Variants in LRIF1 observed in about 807,000 individuals in gnomAD.
LRIF1 encodes the protein ligand-dependent nuclear receptor-interacting factor 1.
A neutral mutation model predicts 52.7 loss-of-function variants in LRIF1; 32 were observed. That is an observed-to-expected ratio of 0.61 (90% confidence interval 0.46 to 0.82). The LOEUF (loss-of-function observed/expected upper bound fraction) is 0.82. LRIF1 is among the 40% of genes least tolerant of loss of function. LRIF1 has a pLI of 0.00. For missense variants in LRIF1, 887 were observed against 892.0 expected (o/e 0.99, Z 0.07); for synonymous variants, 323 against 317.4 (o/e 1.02, Z -0.19).
At position 110,947,824 on chromosome 1, in the gene LRIF1, A is replaced by T; in HGVS notation, c.*135T>A. The T allele has an allele frequency of 2.4e-6, 3 of 1,229,706 alleles. No individual in the cohort carries two copies. Among genetic ancestry groups the T allele is most frequent in the Non-Finnish European group, 3.3e-6 (3 of 915,554 alleles). 76.2% of individuals were successfully genotyped at this position (1,229,706 alleles called of 1,614,324 possible). A position where few individuals can be genotyped will look rare whatever the true frequency, so the allele number is the denominator to read the frequency against. Reference sequence around the variant, plus strand: ...TGAATCAACCTTTTCTGTATTCCTTAAAGTTGTACAATCGACTGATGAAAA... The same window carrying T: ...TGAATCAACCTTTTCTGTATTCCTTTAAGTTGTACAATCGACTGATGAAAA... On this transcript the variant is annotated 3_prime_UTR_variant, in exon 4 of 4. Coordinates refer to ENST00000369763, the MANE Select transcript of LRIF1 (RefSeq NM_018372.4).
chr1:110,901,593 A>AG, the LRIF1 span, among the ~76,000 whole-genome samples: 1 of 148,918 alleles, frequency 6.7e-6, no homozygotes, highest in East Asian at 2.0e-4. Context: ...CTCCTGCCTC[A>AG]GCCTCCTGAG....
the LRIF1 span, among the ~76,000 whole-genome samples, chr1:110,930,463 C>A: frequency 6.6e-6 from 1 of 152,160 alleles, no homozygotes; most frequent in African/African-American, 2.4e-5. Context: ...TGCCTACCTT[C>A]TCACTGTTTC....
rs548225966 is a variant in LRIF1, at chr1:110,960,660, T to C, written c.68+2961A>G. Reference sequence around the variant, plus strand: ...ATATCTGACTGCTTTCTTGATGTGTTCCTCATCTCAGTTAATTTACCAATA... The same window carrying C: ...ATATCTGACTGCTTTCTTGATGTGTCCCTCATCTCAGTTAATTTACCAATA... On this transcript the variant is annotated intron_variant, in intron 1 of 3. Coordinates refer to ENST00000369763, the MANE Select transcript of LRIF1 (RefSeq NM_018372.4). Among the ~76,000 whole-genome samples the C allele has an allele frequency of 5.9e-5, 9 of 152,310 alleles. No individual in the cohort carries two copies. The South Asian group carries it at 1.5e-3, about 25-fold the overall frequency.
intron 1 of LRIF1, 146 bp downstream of exon 1, chr1:110,963,475 C>T: frequency 1.7e-6 from 1 of 581,012 alleles, no homozygotes; most frequent in South Asian, 2.7e-5. Flanking sequence ...TTAAGCGCCG[C>T]GGAGACAAGC....
the LRIF1 span, among the ~76,000 whole-genome samples, chr1:110,902,495 TAAAAAAA>T: frequency 4.1e-5 from 3 of 72,664 alleles, no homozygotes; most frequent in African/African-American, 2.1e-4. Context: ...AATCAATCAC[TAAAAAAA>T]AAAAAAAAAA....
chr1:110,907,553 G>A, the LRIF1 span, among the ~76,000 whole-genome samples: 1 of 152,040 alleles, frequency 6.6e-6, no homozygotes, highest in African/African-American at 2.4e-5. Flanking sequence ...CCAAGATGGT[G>A]AAACCCCCTC....
chr1:110,950,070 G>C lies in LRIF1; in HGVS notation c.1650C>G (p.Asp550Glu), dbSNP rs760999124. The C allele has an allele frequency of 1.2e-6, 2 of 1,613,812 alleles. No individual in the cohort carries two copies. ...TSDKGAQGRN[D>E]KKDSQGRSNK... ...TACTTCTTCCTTGAGAATCTTTCTT[G>C]TCATTTCTTCCTTGGGCACCTTTAT... Residue 550 changes from aspartate to glutamate, a missense_variant, in exon 3 of 4, where the codon GAC becomes GAG. By Grantham distance (45) the Asp-to-Glu change is conservative. Coordinates refer to ENST00000369763, the MANE Select transcript of LRIF1 (RefSeq NM_018372.4).
the LRIF1 span, among the ~76,000 whole-genome samples, chr1:110,883,227 G>A: frequency 3.9e-5 from 6 of 151,938 alleles, no homozygotes; most frequent in African/African-American, 1.2e-4. Context: ...TTGCATAAGC[G>A]TTCTTCTATT....
chr1:110,940,097 A>G, the LRIF1 span: 1 of 152,198 alleles, frequency 6.6e-6, no homozygotes, highest in Admixed American at 6.5e-5. Flanking sequence ...CTGACAAGGG[A>G]TTAAAAACCA....
rs979427394 is a variant in LRIF1, at chr1:110,951,518, T to G, written c.1366A>C (p.Asn456His). 2.5e-6 allele frequency: 4 copies of G among 1,614,192 alleles called. No homozygotes were observed. Among genetic ancestry groups the G allele is most frequent in the Non-Finnish European group, 3.4e-6 (4 of 1,180,022 alleles). Residue 456 changes from asparagine to histidine, a missense_variant, in exon 2 of 4, where the codon AAT (asparagine) becomes CAT (histidine). Physicochemically the swap from Asn to His is moderately conservative, Grantham distance 68. Transcript: ENST00000369763. Reference sequence around the variant, plus strand: ...TTACTGGATTGGTTCATATGTGGATTTGTGGTAGAAGGAGATGGTTTCTCC... The same window carrying G: ...TTACTGGATTGGTTCATATGTGGATGTGTGGTAGAAGGAGATGGTTTCTCC... Reference protein sequence around the residue: ...KVEKPSPSTTNPHMNQSSNYL... With the variant: ...KVEKPSPSTTHPHMNQSSNYL...
chr1:110,893,658 G>T, the LRIF1 span, among the ~76,000 whole-genome samples: 1 of 152,184 alleles, frequency 6.6e-6, no homozygotes, highest in African/African-American at 2.4e-5. Context: ...CCAAGAGAAA[G>T]AATTTTTTAA....
chr1:110,960,961 G>C (rs947353687), intron 1 of LRIF1, among the ~76,000 whole-genome samples: 1 of 152,140 alleles, frequency 6.6e-6, no homozygotes, highest in African/African-American at 2.4e-5. Context: ...AATAGATGAA[G>C]TCTAATCTCC....
At chr1:110,910,544 T>C in the LRIF1 span, among the ~76,000 whole-genome samples, 2 of 152,046 alleles carry the variant, frequency 1.3e-5, no homozygotes, top group African/African-American at 4.8e-5. Context: ...GAGGTTGGAG[T>C]GAGCTGAGAT....
chr1:110,921,948 A>C, the LRIF1 span, among the ~76,000 whole-genome samples: 1 of 152,158 alleles, frequency 6.6e-6, no homozygotes, highest in African/African-American at 2.4e-5. Context: ...ACTCAATATT[A>C]TCTTTTCTGC....
the LRIF1 span, chr1:110,894,485 T>C: frequency 4.9e-6 from 5 of 1,010,552 alleles, no homozygotes; most frequent in Non-Finnish European, 7.9e-6. Flanking sequence ...AGTTACAGAA[T>C]AAGTTCTATA....
the LRIF1 span, among the ~76,000 whole-genome samples, chr1:110,915,572 C>G: frequency 1.3e-5 from 2 of 152,100 alleles, no homozygotes; most frequent in African/African-American, 2.4e-5. Flanking sequence ...GATACCCTCA[C>G]CAACAGCAAA....
At chr1:110,954,814 A>G (rs1658630036) in intron 1 of LRIF1, among the ~76,000 whole-genome samples, 1 of 152,224 alleles carries the variant, frequency 6.6e-6, no homozygotes. Flanking sequence ...TTTAAAAATC[A>G]AAAGAGTAAC....
chr1:110,950,880 A>G (rs980473841), intron 2 of LRIF1, among the ~76,000 whole-genome samples: 1 of 152,082 alleles, frequency 6.6e-6, no homozygotes, highest in Non-Finnish European at 1.5e-5. Context: ...ACTCTTTTAC[A>G]TGCATATTGA....
the LRIF1 span, among the ~76,000 whole-genome samples, chr1:110,891,007 G>T: frequency 6.6e-6 from 1 of 152,346 alleles, no homozygotes; most frequent in South Asian, 2.1e-4. Context: ...TTTCTTGATG[G>T]CTGATTGACC....
Sources: allele counts gnomAD v4.1 joint callset (sites outside exome capture counted in the v4.1 genomes callset), GRCh38; gene constraint gnomAD v4.1.1; transcripts MANE v1.5; gene names NCBI Gene and HGNC (gene_info 2026-07-23, HGNC 2026-07-21).